CCAR2: variants seen among roughly 807,000 people sequenced by gnomAD.
CCAR2 encodes cell cycle and apoptosis regulator 2.
CCAR2 carries 21 observed loss-of-function variants against 108.1 expected under a neutral mutation model. The ratio of observed to expected loss-of-function variants is 0.19; its 90% CI spans 0.14 to 0.28. CCAR2 has a LOEUF of 0.28. Among genes scored for constraint, CCAR2 ranks in the 10% least tolerant of loss-of-function variants. The pLI is 1.00. For synonymous variants in CCAR2, 577 were observed against 472.8 expected (o/e 1.22, Z -2.86); for missense variants, 1,126 against 1,177.0 (o/e 0.96, Z 0.63).
intron 7 of CCAR2, among the ~76,000 whole-genome samples, chr8:22,608,266 A>G (rs944463090): frequency 6.6e-6 from 1 of 152,194 alleles, no homozygotes; most frequent in African/African-American, 2.4e-5. Flanking sequence ...TGAAATGTGT[A>G]TAAAAATATT....
At chr8:22,610,473 C>T (rs985358117) in intron 7 of CCAR2, among the ~76,000 whole-genome samples, 5 of 152,166 alleles carry the variant, frequency 3.3e-5, no homozygotes, top group East Asian at 1.9e-4. Flanking sequence ...GTACAGGAAG[C>T]GGAGGAAAGT....
intron 7 of CCAR2, 49 bp downstream of exon 7, chr8:22,608,114 CTCTT>C: frequency 2.2e-6 from 3 of 1,384,964 alleles, no homozygotes; most frequent in Non-Finnish European, 3.0e-6. Flanking sequence ...CACTAACATT[CTCTT>C]TATTTTATTA....
chr8:22,606,211 C>G (rs768290665), intron 3 of CCAR2, 35 bp downstream of exon 3: 4 of 1,519,518 alleles, frequency 2.6e-6, no homozygotes, highest in African/African-American at 2.8e-5. Context: ...AGTTTCAGCC[C>G]TTGGGACTGA....
chr8:22,614,741 C>G (rs2117448069), intron 10 of CCAR2, 97 bp from the exon 11 acceptor site: 1 of 793,366 alleles, frequency 1.3e-6, no homozygotes. Flanking sequence ...TTCCCCACTT[C>G]CGGCTGCCTT....
rs1801436037 is a variant in CCAR2 at position 22,614,881 on chromosome 8, G to A, written c.1085G>A (p.Gly362Asp). Reference protein sequence around the residue: ...RKEEEAVLVGGEWSPSLDGLD... With the variant: ...RKEEEAVLVGDEWSPSLDGLD... ...GAAGAGGAGGCAGTGCTGGTTGGGG[G>A]TGAATGGTCTCCTTCCCTGGATGGC... Residue 362 changes from glycine to aspartate, a missense_variant, in exon 11 of 21, where the codon GGT becomes GAT. Gly to Asp is a moderately conservative substitution (Grantham distance 94). Around this residue, in one of 4 missense-constraint regions of CCAR2, gnomAD observed 1,013 missense variants for 993.9 expected, o/e 1.02. Coordinates refer to ENST00000308511, the MANE Select transcript of CCAR2 (RefSeq NM_001393997.1). The A allele has an allele frequency of 1.2e-6, 2 of 1,614,098 alleles. No homozygotes were observed. Among genetic ancestry groups the A allele is most frequent in the Non-Finnish European group, 1.7e-6 (2 of 1,180,042 alleles).
rs983637165 is a variant in CCAR2 at position 22,613,930 on chromosome 8, TAA to T, written c.705-160_705-159del. The T allele has an allele frequency of 2.1e-5, 13 of 616,834 alleles. No homozygotes were observed. The African/African-American group carries it at 2.4e-4, about 11-fold the overall frequency. The allele number at this position is 616,834 out of a possible 1,614,324, so 38.2% of individuals were successfully genotyped here. A position where few individuals can be genotyped will look rare whatever the true frequency, so the allele number is the denominator to read the frequency against. ...TTTGACTTTTGCCATCTAGAGTTTG[TAA>T]ATTAAGTGGTCAGATCTGATCTAGC... On this transcript the variant is annotated intron_variant, in intron 8 of 20. Transcript: ENST00000308511.
In CCAR2 at chr8:22,616,157, A is replaced by G. The variant is rs201588612; in HGVS notation, c.1754A>G (p.Lys585Arg). 4 of 1,613,970 alleles carry G rather than the reference A, an allele frequency of 2.5e-6. No individual in the cohort carries two copies. In the African/African-American group the frequency reaches 4.0e-5, roughly 16 times the overall value. Residue 585 changes from lysine to arginine, a missense_variant, in exon 14 of 21, where the codon AAG becomes AGG. By Grantham distance (26) the Lys-to-Arg change is conservative. Transcript: ENST00000308511. ...KEEAAKEEATKEEEAIKEEVV... is the reference protein window; with the variant it reads ...KEEAAKEEATREEEAIKEEVV... ...GAGGCGGCCAAGGAAGAAGCCACCA[A>G]GGAGGAAGAAGCCATCAAAGAGGAG...
chr8:22,609,598 AC>A (rs1801203847), intron 7 of CCAR2, among the ~76,000 whole-genome samples: 2 of 152,134 alleles, frequency 1.3e-5, no homozygotes, highest in South Asian at 4.1e-4. Flanking sequence ...TTTTGTGTTT[AC>A]CCACTCCTCT....
At position 22,617,512 on chromosome 8, in the gene CCAR2, G is replaced by A. The variant is rs995130173; in HGVS notation, c.1938G>A (p.Met646Ile). 6.2e-7 allele frequency: 1 copy of A among 1,606,024 alleles called. No homozygotes were observed. Among genetic ancestry groups the A allele is most frequent in the Non-Finnish European group, 8.5e-7 (1 of 1,175,770 alleles). ...AGGCTTCTGAGGACCTGTGTGAGATGGCCCTGGACCCAGAACTGTTGCTTC... is the reference window on the plus strand; with the variant it reads ...AGGCTTCTGAGGACCTGTGTGAGATAGCCCTGGACCCAGAACTGTTGCTTC... ...RGEASEDLCE[M>I]ALDPELLLLR... The change falls in exon 15 of 21, where the codon ATG (methionine) becomes ATA (isoleucine). Residue 646 changes from methionine to isoleucine, a missense_variant. Met to Ile is a conservative substitution (Grantham distance 10, BLOSUM62 1). Coordinates refer to ENST00000308511, the MANE Select transcript of CCAR2 (RefSeq NM_001393997.1).
At chr8:22,619,387 GCTC>G (rs1801663824) in intron 20 of CCAR2, 32 bp downstream of exon 20, 1 of 1,546,004 alleles carries the variant, frequency 6.5e-7, no homozygotes, top group Non-Finnish European at 8.7e-7. Context: ...AGGCAGCACA[GCTC>G]CTTTCCCTGA....
intron 16 of CCAR2, 133 bp from the exon 17 acceptor site, chr8:22,618,216 C>T (rs1801601128): frequency 5.0e-6 from 6 of 1,210,644 alleles, no homozygotes; most frequent in Middle Eastern, 2.5e-4. Flanking sequence ...TTAGCCTCCC[C>T]AGCAGCTGGG....
In CCAR2 at chr8:22,609,298, A is replaced by T. The variant is rs556572096; in HGVS notation, c.584+1233A>T. On this transcript the variant is annotated intron_variant, in intron 7 of 20. Transcript: ENST00000308511. ...AGTGCTTTGGGAGCCTATCTCTACA[A>T]AAAATAAGTAAATATTTATTTATTT... Among the ~76,000 whole-genome samples, 17 of 152,270 alleles carry T rather than the reference A, an allele frequency of 1.1e-4. No individual in the cohort carries two copies. In the East Asian group the frequency reaches 3.3e-3, roughly 29 times the overall value.
At chr8:22,619,590 G>C in intron 20 of CCAR2, 48 bp from the exon 21 acceptor site, 1 of 1,550,302 alleles carries the variant, frequency 6.5e-7, no homozygotes, top group Non-Finnish European at 8.7e-7. Context: ...GCAGTCCTCA[G>C]ATCACCTTGC....
chr8:22,611,414 GTATATATGTGTGTATA>G (rs1563912421), intron 7 of CCAR2, among the ~76,000 whole-genome samples: 2 of 134,260 alleles, frequency 1.5e-5, no homozygotes, highest in African/African-American at 2.9e-5. Context: ...GTATGTGTGT[GTATATATGTGTGTATA>G]TATGTGTGTG....
chr8:22,615,489 G>A lies in CCAR2; in HGVS notation c.1270G>A (p.Val424Met). 1 of 1,614,016 alleles carries A rather than the reference G, an allele frequency of 6.2e-7. No homozygotes were observed. The highest frequency in any genetic ancestry group is 8.5e-7 in the Non-Finnish European group (1 of 1,180,034). Reference protein sequence around the residue: ...GPPRRLQTVVVYLPDVWTIMP... With the variant: ...GPPRRLQTVVMYLPDVWTIMP... Reference sequence around the variant, plus strand: ...CCCCCGGCGGCTTCAGACAGTGGTGGTGTACCTGCCGGATGTCTGGACCAT... The same window carrying A: ...CCCCCGGCGGCTTCAGACAGTGGTGATGTACCTGCCGGATGTCTGGACCAT... Residue 424 changes from valine (V) to methionine (M), a missense_variant, in exon 12 of 21, where the codon GTG becomes ATG. By Grantham distance (21) the Val-to-Met change is conservative. This residue lies in a region of CCAR2 where 1,013 missense variants were observed against 993.9 expected (regional missense o/e 1.02). Transcript: ENST00000308511.
chr8:22,615,298 C>G, intron 11 of CCAR2, 127 bp from the exon 12 acceptor site: 1 of 1,215,662 alleles, frequency 8.2e-7, no homozygotes. Flanking sequence ...CCTGTTGTGT[C>G]TTCAAAGCTT....
intron 7 of CCAR2, among the ~76,000 whole-genome samples, chr8:22,610,406 G>A (rs922466257): frequency 6.6e-6 from 1 of 152,222 alleles, no homozygotes; most frequent in Non-Finnish European, 1.5e-5. Context: ...GCTGGGCTCT[G>A]CTGCTGCAAG....
chr8:22,615,134 C>T (rs1263276137), intron 11 of CCAR2, 133 bp downstream of exon 11: 1 of 1,253,140 alleles, frequency 8.0e-7, no homozygotes, highest in Non-Finnish European at 1.1e-6. Flanking sequence ...CCCTCTGGTG[C>T]CTCAGGGTAG....
At chr8:22,621,218 C>T, downstream of CCAR2, 1 of 641,636 alleles carries the variant, frequency 1.6e-6, no homozygotes, top group Non-Finnish European at 2.6e-6. Context: ...ACACTGCTTA[C>T]CTGCTGGGGC....
Sources: gnomAD v4.1 joint callset for allele counts (sites outside exome capture counted in the v4.1 genomes callset) on GRCh38, gnomAD v4.1.1 for gene constraint, gnomAD v4.1.1 regional missense constraint, MANE v1.5 for transcripts, NCBI Gene and HGNC (gene_info 2026-07-23, HGNC 2026-07-21) for gene names.